Variants in TAF4 observed in about 807,000 individuals in gnomAD.
The protein encoded by TAF4 is TATA-box binding protein associated factor 4.
Under a neutral mutation model 90.3 loss-of-function variants are expected in TAF4, and 9 were observed. The observed-to-expected ratio is 0.10, with a 90% CI of 0.06 to 0.17. The LOEUF is 0.17. Among genes scored for constraint, TAF4 ranks in the 10% least tolerant of loss-of-function variants. The probability of loss-of-function intolerance (pLI) is 1.00; values close to 1 mark genes in which losing one functional copy is unlikely to be tolerated. For synonymous variants in TAF4, 818 were observed against 638.9 expected (o/e 1.28, Z -4.23); for missense variants, 1,351 against 1,370.7 (o/e 0.99, Z 0.23).
chr20:61,997,507 C>T (rs373277548), intron 14 of TAF4, 43 bp downstream of exon 14: 6 of 1,512,704 alleles, frequency 4.0e-6, no homozygotes, highest in Middle Eastern at 2.2e-4. Context: ...TAAGATGTTC[C>T]CCATGTTTCC....
intron 1 of TAF4, among the ~76,000 whole-genome samples, chr20:62,060,207 C>T (rs965374605): frequency 2.0e-5 from 3 of 152,238 alleles, no homozygotes; most frequent in African/African-American, 7.2e-5. Flanking sequence ...TTCCCAGGCG[C>T]CCGGGGCCTG....
At chr20:62,026,513 A>G (rs988783514) in intron 1 of TAF4, among the ~76,000 whole-genome samples, 8 of 152,246 alleles carry the variant, frequency 5.3e-5, no homozygotes, top group African/African-American at 1.9e-4. Flanking sequence ...ATGACGCAGA[A>G]GGAACCGTGG....
chr20:62,011,845 T>A (rs1469756283), intron 3 of TAF4, among the ~76,000 whole-genome samples: 3 of 152,190 alleles, frequency 2.0e-5, no homozygotes, highest in Admixed American at 6.5e-5. Context: ...CATAGAGACC[T>A]ACGCATCCAC....
At chr20:61,997,823 A>C (rs2055672749) in intron 13 of TAF4, among the ~76,000 whole-genome samples, 154 bp from the exon 14 acceptor site, 1 of 152,226 alleles carries the variant, frequency 6.6e-6, no homozygotes, top group Admixed American at 6.5e-5. Context: ...ATATTCTATA[A>C]TCCAAAAAAT....
chr20:62,021,373 G>A (rs906337064), intron 1 of TAF4, among the ~76,000 whole-genome samples: 1 of 152,274 alleles, frequency 6.6e-6, no homozygotes, highest in African/African-American at 2.4e-5. Context: ...GCCAGGCACA[G>A]GGTCCGGAGG....
chr20:62,035,878 A>C (rs1314650365), intron 1 of TAF4, among the ~76,000 whole-genome samples: 1 of 151,946 alleles, frequency 6.6e-6, no homozygotes, highest in African/African-American at 2.4e-5. Context: ...TTTAAAGAAA[A>C]CGGGGCAAAA....
intron 5 of TAF4, 30 bp downstream of exon 5, chr20:62,009,022 G>A: frequency 6.2e-7 from 1 of 1,605,910 alleles, no homozygotes; most frequent in Non-Finnish European, 8.5e-7. Context: ...GGCTTTAGGG[G>A]AAAGGGAATG....
intron 9 of TAF4, among the ~76,000 whole-genome samples, chr20:62,002,583 T>C (rs1033271463): frequency 1.3e-5 from 2 of 152,184 alleles, no homozygotes; most frequent in Non-Finnish European, 1.5e-5. Context: ...ACTGAACTCC[T>C]GGGCAGAAGT....
chr20:62,049,891 C>T (rs980654664), intron 1 of TAF4, among the ~76,000 whole-genome samples: 3 of 152,044 alleles, frequency 2.0e-5, no homozygotes, highest in South Asian at 2.1e-4. Context: ...GTGCCAGAGA[C>T]GACGGCACTC....
At chr20:61,994,897 C>T (rs2055653919) in intron 14 of TAF4, among the ~76,000 whole-genome samples, 1 of 152,196 alleles carries the variant, frequency 6.6e-6, no homozygotes, top group South Asian at 2.1e-4. Context: ...GTAACAAGAC[C>T]TTTCCTTGTA....
chr20:62,017,845 A>C (rs2055821201), intron 1 of TAF4, among the ~76,000 whole-genome samples: 1 of 151,680 alleles, frequency 6.6e-6, no homozygotes, highest in South Asian at 2.1e-4. Flanking sequence ...AAAAAAAAGA[A>C]AAAAAAAAGT....
intron 1 of TAF4, among the ~76,000 whole-genome samples, chr20:62,033,770 A>T (rs1385137990): frequency 6.6e-6 from 1 of 150,618 alleles, no homozygotes; most frequent in African/African-American, 2.4e-5. Context: ...GGGCCAGGTG[A>T]GGTGGCTCAC....
At chr20:61,999,989 A>C in intron 11 of TAF4, 135 bp downstream of exon 11, 1 of 1,106,646 alleles carries the variant, frequency 9.0e-7, no homozygotes, top group Admixed American at 2.2e-5. Context: ...TAAGAAATCC[A>C]AAACACGTTC....
chr20:62,029,486 G>GCACA (rs56056225), intron 1 of TAF4, among the ~76,000 whole-genome samples: 3,192 of 146,154 alleles, frequency 0.022, 70 homozygotes, highest in African/African-American at 0.055. Context: ...GCGCGCGCGC[G>GCACA]CACACACACA....
chr20:62,061,614 A>G (rs1287908902), intron 1 of TAF4, among the ~76,000 whole-genome samples: 2 of 152,216 alleles, frequency 1.3e-5, no homozygotes, highest in African/African-American at 4.8e-5. Flanking sequence ...CCAACATGCT[A>G]ATGTGGGTGT....
In TAF4 at chr20:62,009,168, T is replaced by C. The variant is rs1361869327; in HGVS notation, c.1768A>G (p.Met590Val). The change falls in exon 5 of 15, where the codon ATG (methionine) becomes GTG (valine). Residue 590 changes from methionine (M) to valine (V), a missense_variant. Around this residue, in one of 9 missense-constraint regions of TAF4, gnomAD observed 44 missense variants for 97.4 expected, o/e 0.45. Coordinates refer to ENST00000252996, the MANE Select transcript of TAF4 (RefSeq NM_003185.4). Reference protein sequence around the residue: ...TTTSSAATETMENVKKCKNFL... With the variant: ...TTTSSAATETVENVKKCKNFL... Reference sequence around the variant, plus strand: ...TTTTTACATTTCTTCACGTTTTCCATAGTTTCCTGGATTAAAGTAAAAAGA... The same window carrying C: ...TTTTTACATTTCTTCACGTTTTCCACAGTTTCCTGGATTAAAGTAAAAAGA... The C allele has an allele frequency of 6.2e-7, 1 of 1,608,428 alleles. No individual in the cohort carries two copies. The highest frequency in any genetic ancestry group is 1.7e-5 in the Admixed American group (1 of 58,842).
At chr20:62,034,977 T>C (rs1454195324) in intron 1 of TAF4, among the ~76,000 whole-genome samples, 2 of 152,008 alleles carry the variant, frequency 1.3e-5, no homozygotes, top group East Asian at 3.9e-4. Flanking sequence ...CCCACCACCA[T>C]GCCCAGCTAA....
chr20:62,034,528 C>T (rs6142930), intron 1 of TAF4, among the ~76,000 whole-genome samples: 14,971 of 151,924 alleles, frequency 0.099, 1,192 homozygotes, highest in East Asian at 0.44. Context: ...GGGGTTCTCA[C>T]TATGTTGCTC....
chr20:62,001,729 A>G (rs1449021257), intron 9 of TAF4, among the ~76,000 whole-genome samples: 1 of 152,080 alleles, frequency 6.6e-6, no homozygotes, highest in African/African-American at 2.4e-5. Context: ...GGACCCGGCC[A>G]TGGGAGGGAG....
Sources: gnomAD v4.1 joint callset for allele counts (sites outside exome capture counted in the v4.1 genomes callset) on GRCh38, gnomAD v4.1.1 for gene constraint, gnomAD v4.1.1 regional missense constraint, MANE v1.5 for transcripts, NCBI Gene and HGNC (gene_info 2026-07-23, HGNC 2026-07-21) for gene names.